Variants in RABGAP1L observed in about 807,000 individuals in gnomAD.
RABGAP1L encodes the protein RAB GTPase activating protein 1 like.
RABGAP1L carries 63 observed loss-of-function variants against 137.7 expected under a neutral mutation model. The observed-to-expected ratio is 0.46, with a 90% confidence interval of 0.37 to 0.56. RABGAP1L has a LOEUF of 0.56. RABGAP1L is among the 20% of genes least tolerant of loss of function. RABGAP1L has a pLI of 0.00. For synonymous variants in RABGAP1L, 431 were observed against 433.7 expected, an observed-to-expected ratio of 0.99 and a Z score of 0.08; for missense variants, 1,095 against 1,244.0, an observed-to-expected ratio of 0.88 and a Z score of 1.80.
At chr1:174,585,827 G>A (rs1320123344) in intron 13 of RABGAP1L, among the ~76,000 whole-genome samples, 1 of 152,166 alleles carries the variant, frequency 6.6e-6, no homozygotes, top group Non-Finnish European at 1.5e-5. Flanking sequence ...AAAGATAGAA[G>A]TTGCCAATGA....
At chr1:174,776,233 G>T (rs899938465) in intron 18 of RABGAP1L, among the ~76,000 whole-genome samples, 4 of 152,114 alleles carry the variant, frequency 2.6e-5, no homozygotes, top group African/African-American at 9.7e-5. Context: ...AATTAGCTGG[G>T]TGTGGTGGCA....
At chr1:174,599,754 T>A (rs896731506) in intron 13 of RABGAP1L, among the ~76,000 whole-genome samples, 3 of 152,186 alleles carry the variant, frequency 2.0e-5, no homozygotes, top group Non-Finnish European at 4.4e-5. Flanking sequence ...TTAGGATTGT[T>A]TCTTTATCTT....
intron 13 of RABGAP1L, among the ~76,000 whole-genome samples, chr1:174,433,938 T>C (rs1199704697): frequency 6.6e-6 from 1 of 152,206 alleles, no homozygotes; most frequent in Non-Finnish European, 1.5e-5. Flanking sequence ...TCTTCAGCTA[T>C]AACTTACACA....
intron 13 of RABGAP1L, among the ~76,000 whole-genome samples, chr1:174,562,901 G>T (rs1428951923): frequency 6.6e-6 from 1 of 152,134 alleles, no homozygotes; most frequent in African/African-American, 2.4e-5. Flanking sequence ...AATACCTAAT[G>T]TAGATGGTGG....
chr1:174,624,412 T>A (rs1444440116), intron 13 of RABGAP1L, among the ~76,000 whole-genome samples: 3 of 152,226 alleles, frequency 2.0e-5, no homozygotes, highest in African/African-American at 7.2e-5. Context: ...TCTTAAGCCT[T>A]TTGCAATTTA....
At chr1:174,925,755 C>T in intron 19 of RABGAP1L, among the ~76,000 whole-genome samples, 1 of 146,832 alleles carries the variant, frequency 6.8e-6, no homozygotes, top group Non-Finnish European at 1.5e-5. Flanking sequence ...ATTTGTTTTT[C>T]TTTTTTCAGT....
At chr1:174,981,520 T>G (rs1265891525) in intron 23 of RABGAP1L, among the ~76,000 whole-genome samples, 1 of 149,954 alleles carries the variant, frequency 6.7e-6, no homozygotes, top group Non-Finnish European at 1.5e-5. Flanking sequence ...AAAATTATAC[T>G]TTAAAATTTC....
chr1:174,842,469 T>C (rs1693522605), intron 19 of RABGAP1L, among the ~76,000 whole-genome samples: 1 of 152,196 alleles, frequency 6.6e-6, no homozygotes, highest in Non-Finnish European at 1.5e-5. Flanking sequence ...GGAGCCTGTT[T>C]CTCCACTGCA....
At chr1:174,903,907 G>A (rs1316818064) in intron 19 of RABGAP1L, among the ~76,000 whole-genome samples, 5 of 150,014 alleles carry the variant, frequency 3.3e-5, no homozygotes, top group Non-Finnish European at 5.9e-5. Context: ...CTGAGATCGC[G>A]CCATTGCACT....
chr1:174,694,779 A>T (rs1161709202), intron 15 of RABGAP1L, among the ~76,000 whole-genome samples: 9 of 151,662 alleles, frequency 5.9e-5, no homozygotes, highest in Middle Eastern at 3.4e-3. Flanking sequence ...CGCCACACTG[A>T]CTTCCACAAT....
At chr1:174,655,203 T>C (rs1326074000) in intron 14 of RABGAP1L, among the ~76,000 whole-genome samples, 1 of 152,188 alleles carries the variant, frequency 6.6e-6, no homozygotes, top group African/African-American at 2.4e-5. Flanking sequence ...ACCTAATCTA[T>C]AGACATCATT....
chr1:174,759,870 G>T (rs576532555), intron 18 of RABGAP1L, among the ~76,000 whole-genome samples: 8 of 152,138 alleles, frequency 5.3e-5, no homozygotes, highest in Admixed American at 5.2e-4. Flanking sequence ...ATTCATGAGG[G>T]ATCTACACTC....
At chr1:174,765,861 G>A (rs1685627538) in intron 18 of RABGAP1L, among the ~76,000 whole-genome samples, 1 of 152,088 alleles carries the variant, frequency 6.6e-6, no homozygotes, top group Admixed American at 6.6e-5. Context: ...TTACATTTAG[G>A]ACTTTGATGC....
At chr1:174,673,966 C>T (rs745880315) in intron 14 of RABGAP1L, among the ~76,000 whole-genome samples, 1 of 151,640 alleles carries the variant, frequency 6.6e-6, no homozygotes, top group Non-Finnish European at 1.5e-5. Flanking sequence ...ATGTCTTCCT[C>T]AAGGAAAATG....
At chr1:174,784,579 G>A (rs1276496357) in intron 18 of RABGAP1L, among the ~76,000 whole-genome samples, 2 of 152,200 alleles carry the variant, frequency 1.3e-5, no homozygotes, top group East Asian at 1.9e-4. Context: ...GTTGAGTTGA[G>A]TAGATGAACT....
chr1:174,165,391 C>G (rs1285375395), intron 1 of RABGAP1L, among the ~76,000 whole-genome samples: 5 of 152,188 alleles, frequency 3.3e-5, no homozygotes, highest in African/African-American at 4.8e-5. Context: ...CTCAGGTGAT[C>G]CATCCGCCTC....
intron 20 of RABGAP1L, chr1:174,965,050 T>C: frequency 8.2e-7 from 1 of 1,215,250 alleles, no homozygotes; most frequent in Non-Finnish European, 1.1e-6. Flanking sequence ...AAAAATGCAG[T>C]ATCCTCCTCC....
intron 1 of RABGAP1L, among the ~76,000 whole-genome samples, chr1:174,160,824 A>G (rs1664379626): frequency 6.6e-6 from 1 of 152,168 alleles, no homozygotes; most frequent in African/African-American, 2.4e-5. Context: ...TAGAATATCC[A>G]TTAGTTATGA....
intron 13 of RABGAP1L, among the ~76,000 whole-genome samples, chr1:174,613,170 T>C (rs1327689976): frequency 2.0e-5 from 3 of 151,052 alleles, no homozygotes; most frequent in Non-Finnish European, 4.5e-5. Context: ...TTTGGATCTT[T>C]CCTGCTTTCT....
Sources: allele counts gnomAD v4.1 joint callset (sites outside exome capture counted in the v4.1 genomes callset), GRCh38; gene constraint gnomAD v4.1.1; transcripts MANE v1.5; gene names NCBI Gene and HGNC (gene_info 2026-07-23, HGNC 2026-07-21).